TMEM87A: variants seen among roughly 807,000 people sequenced by gnomAD.
TMEM87A encodes Golgi-pH regulating cation channel.
In TMEM87A, 50 loss-of-function variants were observed where a neutral mutation model predicts 90.0. That is an observed-to-expected ratio of 0.56 (90% CI 0.44 to 0.70). The LOEUF is 0.70. Ranked by LOEUF, TMEM87A falls within the 30% of genes least tolerant of loss-of-function variation. TMEM87A has a pLI of 0.00. For synonymous variants in TMEM87A, 226 were observed against 226.7 expected (o/e 1.00, Z 0.03); for missense variants, 577 against 660.5 (o/e 0.87, Z 1.39).
intron 6 of TMEM87A, among the ~76,000 whole-genome samples, chr15:42,254,383 T>C (rs2051139608): frequency 6.6e-6 from 1 of 152,268 alleles, no homozygotes; most frequent in African/African-American, 2.4e-5. Flanking sequence ...TGAAAACTTA[T>C]GTCCACATAA....
intron 1 of TMEM87A, 41 bp from the exon 2 acceptor site, chr15:42,272,164 C>CAGT: frequency 3.4e-6 from 5 of 1,449,474 alleles, no homozygotes; most frequent in Non-Finnish European, 4.8e-6. Flanking sequence ...CAGATGGCTT[C>CAGT]AATTACCAAA....
chr15:42,225,249 T>A (rs1042525494), intron 15 of TMEM87A, among the ~76,000 whole-genome samples: 1 of 151,866 alleles, frequency 6.6e-6, no homozygotes. Context: ...CCCTTTTCCT[T>A]CTTTGGTGGT....
intron 10 of TMEM87A, among the ~76,000 whole-genome samples, chr15:42,235,638 A>G (rs2050756490): frequency 6.6e-6 from 1 of 152,096 alleles, no homozygotes; most frequent in Non-Finnish European, 1.5e-5. Flanking sequence ...TCTGATCTCA[A>G]TTCAGCATCT....
chr15:42,261,469 A>G (rs898050671), intron 4 of TMEM87A, among the ~76,000 whole-genome samples: 1 of 152,154 alleles, frequency 6.6e-6, no homozygotes, highest in Non-Finnish European at 1.5e-5. Context: ...TGGCCATTCA[A>G]TTTTTCTATC....
chr15:42,255,761 A>C (rs190371374), intron 6 of TMEM87A, among the ~76,000 whole-genome samples: 1 of 151,832 alleles, frequency 6.6e-6, no homozygotes, highest in East Asian at 1.9e-4. Context: ...TCTTCCATAA[A>C]CATATAGATT....
chr15:42,249,531 C>T (rs1450644608), intron 6 of TMEM87A, among the ~76,000 whole-genome samples: 2 of 152,144 alleles, frequency 1.3e-5, no homozygotes, highest in Non-Finnish European at 2.9e-5. Flanking sequence ...GCTTTCATTT[C>T]GTTATTTATC....
chr15:42,227,890 C>G, intron 13 of TMEM87A, 121 bp from the exon 14 acceptor site: 1 of 771,250 alleles, frequency 1.3e-6, no homozygotes, highest in Non-Finnish European at 2.2e-6. Context: ...CATCACAACT[C>G]TATCAGTTAT....
intron 6 of TMEM87A, among the ~76,000 whole-genome samples, chr15:42,249,125 G>A (rs1219394526): frequency 2.0e-5 from 3 of 152,168 alleles, no homozygotes; most frequent in Admixed American, 2.0e-4. Flanking sequence ...GGGATCAGTA[G>A]TGATATCCCC....
chr15:42,263,517 G>A (rs1022076479), intron 4 of TMEM87A, among the ~76,000 whole-genome samples: 11 of 152,176 alleles, frequency 7.2e-5, no homozygotes, highest in Admixed American at 1.3e-4. Flanking sequence ...GGCCAAGGTG[G>A]GTGGATCACT....
At chr15:42,269,447 G>A (rs370215334) in intron 2 of TMEM87A, among the ~76,000 whole-genome samples, 7 of 151,564 alleles carry the variant, frequency 4.6e-5, no homozygotes, top group African/African-American at 1.7e-4. Context: ...TTGACCTGTT[G>A]GATAGAATTT....
At chr15:42,271,170 TAC>T (rs2051516361) in intron 2 of TMEM87A, among the ~76,000 whole-genome samples, 1 of 152,230 alleles carries the variant, frequency 6.6e-6, no homozygotes, top group Non-Finnish European at 1.5e-5. Context: ...TAGATTCAGA[TAC>T]AGTCATTTTT....
intron 19 of TMEM87A, among the ~76,000 whole-genome samples, chr15:42,216,038 G>C (rs2050378207): frequency 6.6e-6 from 1 of 152,126 alleles, no homozygotes; most frequent in African/African-American, 2.4e-5. Flanking sequence ...ATATACAATG[G>C]AACACTTGTC....
chr15:42,259,040 T>C (rs1032449806), intron 6 of TMEM87A: 3 of 724,456 alleles, frequency 4.1e-6, no homozygotes, highest in Admixed American at 4.3e-5. Context: ...CTATTCCCAT[T>C]CCTCTCTCCC....
chr15:42,253,680 A>G (rs2051126042), intron 6 of TMEM87A, among the ~76,000 whole-genome samples: 1 of 152,214 alleles, frequency 6.6e-6, no homozygotes, highest in Non-Finnish European at 1.5e-5. Context: ...TATGGTAAAC[A>G]AATTACAATA....
chr15:42,264,699 A>ATTTTTTTTTTT (rs1555409717), intron 3 of TMEM87A, among the ~76,000 whole-genome samples: 5 of 109,424 alleles, frequency 4.6e-5, no homozygotes, highest in African/African-American at 1.5e-4. Context: ...ATATATATAT[A>ATTTTTTTTTTT]TTTTTTTTTT....
chr15:42,267,273 T>C (rs578248916), intron 3 of TMEM87A, among the ~76,000 whole-genome samples: 1 of 152,356 alleles, frequency 6.6e-6, no homozygotes, highest in South Asian at 2.1e-4. Context: ...AGGTAAAAGA[T>C]ACATTCATAT....
chr15:42,238,824 G>C (rs370805616), intron 8 of TMEM87A, among the ~76,000 whole-genome samples: 2 of 147,766 alleles, frequency 1.4e-5, no homozygotes, highest in South Asian at 2.1e-4. Flanking sequence ...AGACAACACT[G>C]AAGAAGAAAA....
intron 17 of TMEM87A, 42 bp downstream of exon 17, chr15:42,219,539 G>A (rs1441753502): frequency 6.7e-7 from 1 of 1,487,984 alleles, no homozygotes; most frequent in Middle Eastern, 1.7e-4. Flanking sequence ...AGGGTTGGAA[G>A]ATGGGACAAA....
rs575037042 is a variant in TMEM87A, at chr15:42,245,507, A to G, written c.505-1340T>C. ...TATGCCAGATAACTCTGTTAAGCAT[A>G]TGACATTTATTACTTTTTTTTTTTT... On this transcript the variant is annotated intron_variant, in intron 6 of 19. Transcript: ENST00000389834. Among the ~76,000 whole-genome samples the G allele has an allele frequency of 6.0e-5, 9 of 149,988 alleles. No homozygotes were observed. In the South Asian group the frequency reaches 1.9e-3, roughly 32 times the overall value.
Sources: gnomAD v4.1 joint callset for allele counts (sites outside exome capture counted in the v4.1 genomes callset) on GRCh38, gnomAD v4.1.1 for gene constraint, MANE v1.5 for transcripts, NCBI Gene and HGNC (gene_info 2026-07-23, HGNC 2026-07-21) for gene names.